LONP2: variants seen among roughly 807,000 people sequenced by gnomAD.
LONP2 encodes the protein lon peptidase 2, peroxisomal.
A neutral mutation model predicts 85.6 loss-of-function variants in LONP2; 60 were observed. The observed-to-expected ratio is 0.70, with a 90% confidence interval of 0.57 to 0.87. The LOEUF (loss-of-function observed/expected upper bound fraction) is 0.87, where lower values mean the gene tolerates loss of function less well. Ranked by LOEUF, LONP2 falls within the 40% of genes least tolerant of loss-of-function variation. LONP2 has a pLI of 0.00. For synonymous variants in LONP2, 395 were observed against 389.7 expected, an observed-to-expected ratio of 1.01 and a Z score of -0.16; for missense variants, 860 against 1,063.5, an observed-to-expected ratio of 0.81 and a Z score of 2.66.
chr16:48,361,283 T>C (rs1960580775), downstream of LONP2: 4 of 320,012 alleles, frequency 1.2e-5, no homozygotes, highest in South Asian at 1.4e-4. Flanking sequence ...ACAATCAATC[T>C]ACAACAAACA....
chr16:48,279,192 G>A (rs1972274892), intron 8 of LONP2, among the ~76,000 whole-genome samples: 1 of 151,394 alleles, frequency 6.6e-6, no homozygotes, highest in South Asian at 2.1e-4. Context: ...ATTTCTTTTA[G>A]TCTCTTTTAT....
chr16:48,249,731 T>A (rs540367806), intron 1 of LONP2, among the ~76,000 whole-genome samples: 102 of 149,910 alleles, frequency 6.8e-4, no homozygotes, highest in Middle Eastern at 3.4e-3. Context: ...GAAAAAAAAA[T>A]TTTTTTAAAG....
chr16:48,282,701 C>T (rs1972356433), intron 8 of LONP2, among the ~76,000 whole-genome samples: 1 of 152,160 alleles, frequency 6.6e-6, no homozygotes, highest in African/African-American at 2.4e-5. Flanking sequence ...GCCAGGCATT[C>T]CCCTTTCTCT....
At chr16:48,342,908 G>A (rs1959856421) in intron 12 of LONP2, among the ~76,000 whole-genome samples, 1 of 152,200 alleles carries the variant, frequency 6.6e-6, no homozygotes, top group Non-Finnish European at 1.5e-5. Flanking sequence ...GACAGCTCAG[G>A]TTCTGTGTCT....
At chr16:48,294,329 A>G (rs539917435) in intron 8 of LONP2, among the ~76,000 whole-genome samples, 2 of 152,316 alleles carry the variant, frequency 1.3e-5, no homozygotes, top group South Asian at 2.1e-4. Context: ...TGATTACTTG[A>G]AAGTACTTGT....
rs570282173 is a variant in LONP2 at position 48,351,689 on chromosome 16, C to A, written c.2446C>A (p.Arg816=). ...CCTTGAGGGAATCCCAGGCAACGTACGACAGGATTTAAGTTTTGTCACAGC... is the reference window on the plus strand; with the variant it reads ...CCTTGAGGGAATCCCAGGCAACGTAAGACAGGATTTAAGTTTTGTCACAGC... ...KDLEGIPGNV[R]QDLSFVTASC... is the part of the protein sequence containing the mutation. The change falls in exon 15 of 15, where the codon CGA becomes AGA. Residue 816 remains arginine (R), a synonymous_variant. Transcript: ENST00000285737. The A allele has an allele frequency of 6.2e-7, 1 of 1,614,172 alleles. No individual in the cohort carries two copies. Among genetic ancestry groups the A allele is most frequent in the Admixed American group, 1.7e-5 (1 of 60,024 alleles).
intron 11 of LONP2, among the ~76,000 whole-genome samples, chr16:48,325,795 T>C (rs1973356988): frequency 6.6e-6 from 1 of 152,234 alleles, no homozygotes; most frequent in Non-Finnish European, 1.5e-5. Context: ...CTGGATCATA[T>C]GATAGTTCAA....
intron 2 of LONP2, among the ~76,000 whole-genome samples, chr16:48,255,399 C>A (rs1169815760): frequency 6.6e-6 from 1 of 152,164 alleles, no homozygotes; most frequent in Non-Finnish European, 1.5e-5. Context: ...CTCATAGACA[C>A]ACCTATTAGT....
chr16:48,262,383 A>T (rs891675356), intron 5 of LONP2, among the ~76,000 whole-genome samples: 1 of 152,242 alleles, frequency 6.6e-6, no homozygotes, highest in Non-Finnish European at 1.5e-5. Flanking sequence ...CTTAAAAGGG[A>T]CACACACTAG....
At chr16:48,255,367 C>T (rs561553811) in intron 2 of LONP2, among the ~76,000 whole-genome samples, 4 of 152,266 alleles carry the variant, frequency 2.6e-5, no homozygotes, top group Middle Eastern at 3.4e-3. Flanking sequence ...ACTTCCACTA[C>T]GTTTCATGGA....
intron 11 of LONP2, among the ~76,000 whole-genome samples, chr16:48,308,478 T>C (rs1410127912): frequency 6.6e-6 from 1 of 151,682 alleles, no homozygotes; most frequent in African/African-American, 2.4e-5. Context: ...AATACAAAAA[T>C]TAGCTGGGCG....
rs779786637 is a variant in LONP2 at position 48,362,474 on chromosome 16, C to T, written c.*611C>T. 6.3e-7 allele frequency: 1 copy of T among 1,591,934 alleles called. No homozygotes were observed. Among genetic ancestry groups the T allele is most frequent in the Admixed American group, 1.7e-5 (1 of 58,862 alleles). On this transcript the variant is annotated 3_prime_UTR_variant, in exon 5 of 5. Transcript: ENST00000565867. This position sits in a 1 kb window ranked among gnomAD's most constrained non-coding sequence, Gnocchi z 4.2. Reference sequence around the variant, plus strand: ...GAGGCAGGAGAAAAATAATTATAACCATGACTTACTTTATAAATAATGTTT... The same window carrying T: ...GAGGCAGGAGAAAAATAATTATAACTATGACTTACTTTATAAATAATGTTT...
intron 12 of LONP2, among the ~76,000 whole-genome samples, chr16:48,342,538 G>C (rs1383330965): frequency 6.6e-6 from 1 of 152,226 alleles, no homozygotes; most frequent in African/African-American, 2.4e-5. Context: ...GCCAAGAAAA[G>C]GCCCTACTGG....
rs1216673820 is a variant in LONP2 at position 48,357,083 on chromosome 16, C to G, written c.*5281C>G. ...CGAAAATATTTGGTTCAGCAAGACA[C>G]TGGGGTATCAAGTCAGGCATAATAA... On this transcript the variant is annotated 3_prime_UTR_variant, in exon 15 of 15. Coordinates refer to ENST00000285737, the MANE Select transcript of LONP2 (RefSeq NM_031490.5). The G allele has an allele frequency of 6.6e-6, 1 of 152,530 alleles. No homozygotes were observed. The highest frequency in any genetic ancestry group is 1.5e-5 in the Non-Finnish European group (1 of 68,276). The allele number at this position is 152,530 out of a possible 1,614,324, so 9.4% of individuals were successfully genotyped here.
chr16:48,336,272 A>C, intron 12 of LONP2: 1 of 442,706 alleles, frequency 2.3e-6, no homozygotes, highest in South Asian at 1.6e-5. Context: ...ACTGCTTACC[A>C]GTTATCCTTG....
At chr16:48,292,412 G>A (rs1379779541) in intron 8 of LONP2, among the ~76,000 whole-genome samples, 1 of 152,142 alleles carries the variant, frequency 6.6e-6, no homozygotes, top group African/African-American at 2.4e-5. Flanking sequence ...AAAATGGGAG[G>A]CAGGTTTGTG....
At chr16:48,301,862 C>T (rs2151000873) in intron 10 of LONP2, among the ~76,000 whole-genome samples, 1 of 152,318 alleles carries the variant, frequency 6.6e-6, no homozygotes. Flanking sequence ...GTGTTCTCTT[C>T]TTCAAGCTAA....
At chr16:48,252,441 T>A in intron 2 of LONP2, 76 bp downstream of exon 2, 1 of 930,846 alleles carries the variant, frequency 1.1e-6, no homozygotes, top group Non-Finnish European at 1.6e-6. Flanking sequence ...GTGAATCTGT[T>A]GGATAGTGAA....
Position 48,362,751 on chromosome 16 carries a change from T to A in LONP2, c.*888T>A. On this transcript the variant is annotated 3_prime_UTR_variant, in exon 5 of 5. Transcript: ENST00000565867. The surrounding 1 kb of genome is among the most constrained non-coding windows in gnomAD (Gnocchi z 4.2). ...ATGGACCATAAACAACTAAAGAAAC[T>A]ATACAAGGAACTGAAGTTTAATCGA... The A allele has an allele frequency of 4.2e-6, 1 of 240,100 alleles. No individual in the cohort carries two copies. The highest frequency in any genetic ancestry group is 8.8e-6 in the Non-Finnish European group (1 of 113,526). 14.9% of individuals were successfully genotyped at this position (240,100 alleles called of 1,614,324 possible).
Sources: gnomAD v4.1 joint callset for allele counts (sites outside exome capture counted in the v4.1 genomes callset) on GRCh38, gnomAD v4.1.1 for gene constraint, Gnocchi (gnomAD v3.1) non-coding constraint, MANE v1.5 for transcripts, NCBI Gene and HGNC (gene_info 2026-07-23, HGNC 2026-07-21) for gene names.